The following ARHGEF28 variants were observed in gnomAD, a reference collection of about 807,000 sequenced individuals.
ARHGEF28 encodes 190 kDa guanine nucleotide exchange factor.
A neutral mutation model predicts 206.6 loss-of-function variants in ARHGEF28; 152 were observed. The observed-to-expected ratio is 0.74, with a 90% confidence interval of 0.64 to 0.84. The LOEUF (loss-of-function observed/expected upper bound fraction) is 0.84, where lower values mean the gene tolerates loss of function less well. Ranked by LOEUF, ARHGEF28 falls within the 40% of genes least tolerant of loss-of-function variation. The probability of loss-of-function intolerance (pLI) is 0.00; values close to 1 mark genes in which losing one functional copy is unlikely to be tolerated. For missense variants in ARHGEF28, 2,028 were observed against 2,073.2 expected, an observed-to-expected ratio of 0.98 and a Z score of 0.42; for synonymous variants, 763 against 776.4, an observed-to-expected ratio of 0.98 and a Z score of 0.29.
intron 10 of ARHGEF28, among the ~76,000 whole-genome samples, chr5:73,833,451 G>A (rs940304213): frequency 1.3e-5 from 2 of 151,920 alleles, no homozygotes; most frequent in Non-Finnish European, 2.9e-5. Context: ...ATCAAATGCA[G>A]CACAGATTGG....
At chr5:73,715,743 C>T (rs961964442) in intron 2 of ARHGEF28, among the ~76,000 whole-genome samples, 11 of 152,174 alleles carry the variant, frequency 7.2e-5, no homozygotes, top group Non-Finnish European at 1.6e-4. Context: ...GAACAAAGTG[C>T]TACTATCGTG....
intron 9 of ARHGEF28, among the ~76,000 whole-genome samples, chr5:73,819,044 A>G (rs765085703): frequency 1.1e-4 from 16 of 152,234 alleles, no homozygotes; most frequent in Non-Finnish European, 1.8e-4. Flanking sequence ...TATCATAAAA[A>G]GAATGTCATT....
At chr5:73,892,603 T>C (rs970741054) in intron 27 of ARHGEF28, among the ~76,000 whole-genome samples, 1 of 152,146 alleles carries the variant, frequency 6.6e-6, no homozygotes, top group African/African-American at 2.4e-5. Context: ...TTTATGTACA[T>C]ATGTGTGTGT....
intron 2 of ARHGEF28, among the ~76,000 whole-genome samples, chr5:73,695,456 G>A (rs1561339275): frequency 6.6e-6 from 1 of 152,058 alleles, no homozygotes; most frequent in Non-Finnish European, 1.5e-5. Flanking sequence ...CCTCTGCCCA[G>A]GCCTCGTCTT....
chr5:73,757,246 G>C (rs1177780951), intron 4 of ARHGEF28, among the ~76,000 whole-genome samples: 1 of 152,164 alleles, frequency 6.6e-6, no homozygotes, highest in African/African-American at 2.4e-5. Flanking sequence ...ACATTATAAT[G>C]TATTAGTGGC....
intron 9 of ARHGEF28, among the ~76,000 whole-genome samples, chr5:73,830,334 A>G (rs1579953334): frequency 6.6e-6 from 1 of 152,204 alleles, no homozygotes; most frequent in Non-Finnish European, 1.5e-5. Context: ...CGGCTGGATC[A>G]CGAGGTCAGA....
chr5:73,738,115 T>G (rs1247379082), intron 2 of ARHGEF28, among the ~76,000 whole-genome samples: 2 of 152,186 alleles, frequency 1.3e-5, no homozygotes, highest in African/African-American at 4.8e-5. Flanking sequence ...GGGAGTTCAT[T>G]GATTCTGATC....
chr5:73,792,967 G>T (rs972947561), intron 7 of ARHGEF28, among the ~76,000 whole-genome samples: 1 of 152,106 alleles, frequency 6.6e-6, no homozygotes, highest in Non-Finnish European at 1.5e-5. Flanking sequence ...TTTAAAGGCC[G>T]GCAGGGATGC....
chr5:73,796,429 A>G (rs1252001798), intron 9 of ARHGEF28, among the ~76,000 whole-genome samples: 5 of 152,216 alleles, frequency 3.3e-5, no homozygotes, highest in Non-Finnish European at 2.9e-5. Context: ...AGTGAGATTA[A>G]TGGAGAAGGT....
intron 1 of ARHGEF28, among the ~76,000 whole-genome samples, chr5:73,668,106 T>C (rs1427614887): frequency 6.6e-6 from 1 of 152,196 alleles, no homozygotes; most frequent in African/African-American, 2.4e-5. Context: ...CCAGCATTGC[T>C]TTGAATGCTC....
At chr5:73,747,265 A>T (rs938862758) in intron 2 of ARHGEF28, among the ~76,000 whole-genome samples, 1 of 152,168 alleles carries the variant, frequency 6.6e-6, no homozygotes, top group African/African-American at 2.4e-5. Context: ...ACTGAAAGAG[A>T]TACTTTGGAA....
chr5:73,646,369 T>G (rs1247320111), intron 1 of ARHGEF28, among the ~76,000 whole-genome samples: 2 of 152,208 alleles, frequency 1.3e-5, no homozygotes, highest in African/African-American at 4.8e-5. Context: ...GTTCCCTCCT[T>G]GAGTAGGATC....
chr5:73,878,287 C>G (rs1355979717), intron 22 of ARHGEF28, among the ~76,000 whole-genome samples: 7 of 150,308 alleles, frequency 4.7e-5, no homozygotes, highest in Non-Finnish European at 1.0e-4. Context: ...GTAGATCTTC[C>G]TCCATCCTTT....
chr5:73,918,786 A>G (rs1175633499), intron 35 of ARHGEF28, among the ~76,000 whole-genome samples: 1 of 152,314 alleles, frequency 6.6e-6, no homozygotes. Flanking sequence ...ATTTGTTGCT[A>G]GAATCATGCT....
At chr5:73,744,186 C>T (rs551807109) in intron 2 of ARHGEF28, among the ~76,000 whole-genome samples, 1 of 152,278 alleles carries the variant, frequency 6.6e-6, no homozygotes, top group South Asian at 2.1e-4. Context: ...TGTGCACACA[C>T]ATATAAGAAA....
chr5:73,781,376 C>T (rs1256473229), intron 7 of ARHGEF28, among the ~76,000 whole-genome samples: 1 of 152,152 alleles, frequency 6.6e-6, no homozygotes, highest in African/African-American at 2.4e-5. Flanking sequence ...TACATTGTTC[C>T]TACTCTATTC....
At chr5:73,800,544 T>C (rs963350949) in intron 9 of ARHGEF28, among the ~76,000 whole-genome samples, 24 of 152,050 alleles carry the variant, frequency 1.6e-4, no homozygotes, top group Admixed American at 1.6e-3. Context: ...AAGACAACCT[T>C]TTGGTGGGTG....
chr5:73,925,448 G>C (rs1453290119), intron 35 of ARHGEF28, among the ~76,000 whole-genome samples: 1 of 152,196 alleles, frequency 6.6e-6, no homozygotes, highest in Non-Finnish European at 1.5e-5. Flanking sequence ...AGGGCCACGT[G>C]CTTCCACAGT....
chr5:73,701,083 T>G (rs187308460), intron 2 of ARHGEF28, among the ~76,000 whole-genome samples: 1 of 152,200 alleles, frequency 6.6e-6, no homozygotes, highest in Admixed American at 6.6e-5. Flanking sequence ...TTAGAAAAGT[T>G]ACCTATACAT....
Sources: gnomAD v4.1 joint callset for allele counts (sites outside exome capture counted in the v4.1 genomes callset) on GRCh38, gnomAD v4.1.1 for gene constraint, MANE v1.5 for transcripts, NCBI Gene and HGNC (gene_info 2026-07-23, HGNC 2026-07-21) for gene names.